AKAP13: variants seen among roughly 807,000 people sequenced by gnomAD.
The protein encoded by AKAP13 is A-kinase anchoring protein 13.
Under a neutral mutation model 264.5 loss-of-function variants are expected in AKAP13, and 80 were observed. The observed-to-expected ratio is 0.30, with a 90% CI of 0.25 to 0.36. The LOEUF is 0.36. Among genes scored for constraint, AKAP13 ranks in the 10% least tolerant of loss-of-function variants. AKAP13 has a pLI of 1.00. For missense variants in AKAP13, 3,712 were observed against 3,435.2 expected, an observed-to-expected ratio of 1.08 and a Z score of -2.01; for synonymous variants, 1,380 against 1,250.2, an observed-to-expected ratio of 1.10 and a Z score of -2.19.
chr15:85,547,715 A>G (rs1047125229), intron 5 of AKAP13, among the ~76,000 whole-genome samples: 1 of 152,192 alleles, frequency 6.6e-6, no homozygotes, highest in Non-Finnish European at 1.5e-5. Flanking sequence ...TCTTAAATAC[A>G]TTGTATTTAA....
chr15:85,649,439 C>CA (rs768256318), intron 10 of AKAP13, among the ~76,000 whole-genome samples: 27 of 152,220 alleles, frequency 1.8e-4, no homozygotes, highest in Admixed American at 1.4e-3. Context: ...GTGTGCTATG[C>CA]AAAATATCAG....
At chr15:85,613,624 T>G (rs1008003456) in intron 8 of AKAP13, among the ~76,000 whole-genome samples, 3 of 141,926 alleles carry the variant, frequency 2.1e-5, no homozygotes, top group African/African-American at 7.9e-5. Context: ...GAGCTTGCAG[T>G]GAGCCGAGAT....
intron 4 of AKAP13, among the ~76,000 whole-genome samples, chr15:85,539,922 T>G (rs987766335): frequency 5.3e-5 from 8 of 152,300 alleles, no homozygotes; most frequent in African/African-American, 1.9e-4. Flanking sequence ...CAAAAAAATG[T>G]AGATGATATT....
At chr15:85,728,236 AGAC>A (rs1162030366) in intron 29 of AKAP13, among the ~76,000 whole-genome samples, 1 of 152,228 alleles carries the variant, frequency 6.6e-6, no homozygotes, top group East Asian at 1.9e-4. Flanking sequence ...TTCAAAGTAA[AGAC>A]TATGCTTTGG....
intron 1 of AKAP13, among the ~76,000 whole-genome samples, chr15:85,417,394 G>A (rs1481057989): frequency 2.0e-5 from 3 of 152,146 alleles, no homozygotes; most frequent in South Asian, 2.1e-4. Context: ...TGGTGGAATC[G>A]AAATAGCGTA....
At chr15:85,475,449 G>A (rs1301939901) in intron 1 of AKAP13, among the ~76,000 whole-genome samples, 3 of 152,152 alleles carry the variant, frequency 2.0e-5, no homozygotes, top group Non-Finnish European at 4.4e-5. Context: ...ATTTTTGCAG[G>A]AAACCACAAG....
intron 1 of AKAP13, among the ~76,000 whole-genome samples, chr15:85,399,492 G>C (rs2071285025): frequency 1.1e-5 from 1 of 93,916 alleles, no homozygotes; most frequent in Non-Finnish European, 1.9e-5. Context: ...GACAGAGCGA[G>C]ACTCCGTCTC....
At chr15:85,532,032 G>A (rs77490872) in intron 3 of AKAP13, among the ~76,000 whole-genome samples, 1,586 of 152,262 alleles carry the variant, frequency 0.01, 27 homozygotes, top group African/African-American at 0.037. Flanking sequence ...CTTAATATCT[G>A]TGTAACATGG....
At chr15:85,561,152 G>C (rs2078360260) in intron 5 of AKAP13, among the ~76,000 whole-genome samples, 1 of 151,328 alleles carries the variant, frequency 6.6e-6, no homozygotes, top group African/African-American at 2.4e-5. Flanking sequence ...CCGCCCCCCA[G>C]GTTCAAGTGA....
At chr15:85,670,701 C>A (rs535772257) in intron 14 of AKAP13, 1 of 152,038 alleles carries the variant, frequency 6.6e-6, no homozygotes, top group Admixed American at 6.6e-5. Context: ...CAGTAACTGA[C>A]CTGAGCTTTT....
At chr15:85,557,588 C>T (rs1205024229) in intron 5 of AKAP13, among the ~76,000 whole-genome samples, 2 of 152,058 alleles carry the variant, frequency 1.3e-5, no homozygotes, top group Non-Finnish European at 2.9e-5. Context: ...CCTCAACTTC[C>T]GCAGTAGCTG....
rs934884307 is a variant in AKAP13, at chr15:85,533,785, A to G, written c.383A>G (p.Asp128Gly). The G allele has an allele frequency of 1.2e-6, 2 of 1,613,728 alleles. No individual in the cohort carries two copies. The highest frequency in any genetic ancestry group is 1.7e-5 in the Admixed American group (1 of 59,918). The change falls in exon 4 of 37, where the codon GAT becomes GGT. Residue 128 changes from aspartate to glycine, a missense_variant. By Grantham distance (94) the Asp-to-Gly change is moderately conservative. This residue lies in a region of AKAP13 where 2,759 missense variants were observed against 2,411.7 expected (regional missense o/e 1.14). Transcript: ENST00000394518. The part of the protein sequence containing the change: ...FLDQSGPPSG[D>G]VNSLDKKLVL... ...GACCAGTCAGGACCCCCATCTGGGG[A>G]TGTGAATTCCCTTGATAAGAAGTTG...
At chr15:85,506,283 C>A (rs933391800) in intron 2 of AKAP13, among the ~76,000 whole-genome samples, 1 of 152,010 alleles carries the variant, frequency 6.6e-6, no homozygotes. Flanking sequence ...GACTCCATCT[C>A]AAAAACAACA....
intron 8 of AKAP13, among the ~76,000 whole-genome samples, chr15:85,595,620 GACCCATGTTGT>G (rs1368291227): frequency 6.6e-6 from 1 of 152,226 alleles, no homozygotes; most frequent in East Asian, 1.9e-4. Flanking sequence ...TCCTTGGTGA[GACCCATGTTGT>G]ACCACAGGTG....
chr15:85,694,698 A>G (rs2085473299), intron 17 of AKAP13, among the ~76,000 whole-genome samples: 1 of 152,214 alleles, frequency 6.6e-6, no homozygotes, highest in Admixed American at 6.5e-5. Flanking sequence ...AGAGCATACC[A>G]GGGTAAATCA....
intron 8 of AKAP13, among the ~76,000 whole-genome samples, chr15:85,599,848 C>T (rs1567148285): frequency 6.6e-6 from 1 of 152,122 alleles, no homozygotes; most frequent in Non-Finnish European, 1.5e-5. Flanking sequence ...CCAGCCTAGG[C>T]AACAAAGTGA....
At chr15:85,619,325 GGGA>G in intron 8 of AKAP13, 1 of 976,086 alleles carries the variant, frequency 1.0e-6, no homozygotes, top group Non-Finnish European at 1.2e-6. Flanking sequence ...GAAGGAAAAA[GGGA>G]GGAGGAGGCT....
chr15:85,442,510 TA>T (rs1205438923), intron 1 of AKAP13, among the ~76,000 whole-genome samples: 4 of 111,926 alleles, frequency 3.6e-5, no homozygotes, highest in East Asian at 2.5e-4. Flanking sequence ...ATATTATATA[TA>T]ATATATATTA....
intron 1 of AKAP13, among the ~76,000 whole-genome samples, chr15:85,423,973 CACAACAGTG>C (rs1322914416): frequency 1.3e-5 from 2 of 152,154 alleles, no homozygotes; most frequent in Non-Finnish European, 2.9e-5. Flanking sequence ...GGCAGTAGGT[CACAACAGTG>C]ACCTTAAAAT....
Sources: gnomAD v4.1 joint callset for allele counts (sites outside exome capture counted in the v4.1 genomes callset) on GRCh38, gnomAD v4.1.1 for gene constraint, gnomAD v4.1.1 regional missense constraint, MANE v1.5 for transcripts, NCBI Gene and HGNC (gene_info 2026-07-23, HGNC 2026-07-21) for gene names.